ZC4H2: variants seen among roughly 807,000 people sequenced by gnomAD.
ZC4H2 encodes the protein zinc finger C4H2-type containing, also known as zinc finger C4H2 domain-containing protein.
For synonymous variants in ZC4H2, 84 were observed against 66.3 expected, an observed-to-expected ratio of 1.27 and a Z score of -1.30; for missense variants, 137 against 173.9, an observed-to-expected ratio of 0.79 and a Z score of 1.19.
chrX:64,924,826 A>AT (rs1220962182), intron 1 of ZC4H2, among the ~76,000 whole-genome samples: 10 of 111,030 alleles, frequency 9.0e-5, no homozygotes. Flanking sequence ...AGGGGCCTAG[A>AT]TAAAACTAGG....
At chrX:64,950,791 T>G (rs910593939) in intron 1 of ZC4H2, among the ~76,000 whole-genome samples, 6 of 110,846 alleles carry the variant, frequency 5.4e-5, no homozygotes, top group Admixed American at 9.7e-5. Flanking sequence ...TGGCTCTGGA[T>G]TCTTTTTTAT....
At chrX:64,947,276 A>G (rs772223260) in intron 1 of ZC4H2, among the ~76,000 whole-genome samples, 7 of 111,939 alleles carry the variant, frequency 6.3e-5, no homozygotes, top group East Asian at 2.8e-4. Flanking sequence ...ATTTTGGTAT[A>G]TGTTCCATGA....
At chrX:65,033,533 G>C (rs1397051725) in intron 1 of ZC4H2, among the ~76,000 whole-genome samples, 2 of 111,517 alleles carry the variant, frequency 1.8e-5, no homozygotes, top group African/African-American at 6.5e-5. Flanking sequence ...GGTGTGGAAG[G>C]AGCTAGGGCT....
At chrX:64,955,643 C>T (rs1464850021) in intron 1 of ZC4H2, among the ~76,000 whole-genome samples, 1 of 111,805 alleles carries the variant, frequency 8.9e-6, no homozygotes, top group Non-Finnish European at 1.9e-5. Context: ...TAGCTTTTCC[C>T]AAGATCAAAG....
At chrX:64,974,778 C>T (rs1175614976) in intron 1 of ZC4H2, among the ~76,000 whole-genome samples, 3 of 109,552 alleles carry the variant, frequency 2.7e-5, no homozygotes, top group Non-Finnish European at 5.7e-5. Flanking sequence ...TCTATTTTCA[C>T]TGGGGATTAA....
intron 1 of ZC4H2, among the ~76,000 whole-genome samples, chrX:64,927,397 C>T (rs1006940530): frequency 6.6e-4 from 73 of 110,907 alleles, no homozygotes; most frequent in African/African-American, 2.4e-3. Context: ...TTTTCTGTTC[C>T]TGTGTTAGTT....
rs1185195278 is a variant in ZC4H2 at position 64,937,851 on chromosome X, C to T, written c.54-15863G>A. Reference sequence around the variant, plus strand: ...AAGCAGAAAAGATCTAAAATTGACACCCTAACATCACAATGAAAAGAACTA... The same window carrying T: ...AAGCAGAAAAGATCTAAAATTGACATCCTAACATCACAATGAAAAGAACTA... On this transcript the variant is annotated intron_variant, in intron 1 of 4. Transcript: ENST00000374839. Among the ~76,000 whole-genome samples the T allele has an allele frequency of 2.7e-5, 3 of 111,542 alleles. No individual in the cohort carries two copies. The Admixed American group carries it at 2.9e-4, about 11-fold the overall frequency.
intron 1 of ZC4H2, among the ~76,000 whole-genome samples, chrX:64,990,713 T>C: frequency 8.9e-6 from 1 of 111,740 alleles, no homozygotes; most frequent in East Asian, 2.8e-4. Context: ...CTTCTCTTTC[T>C]GTATCTCCAG....
At chrX:65,012,176 C>T (rs1212679817) in intron 1 of ZC4H2, among the ~76,000 whole-genome samples, 1 of 89,545 alleles carries the variant, frequency 1.1e-5, no homozygotes, top group Non-Finnish European at 2.1e-5. Context: ...TGCGGTGAAC[C>T]GAGATTGTGC....
chrX:65,011,015 G>C (rs1239637668), intron 1 of ZC4H2, among the ~76,000 whole-genome samples: 3 of 111,547 alleles, frequency 2.7e-5, no homozygotes, highest in African/African-American at 9.8e-5. Flanking sequence ...GAGGCTTTCA[G>C]AATAAATGAG....
chrX:64,999,049 T>G (rs1449499693), intron 1 of ZC4H2, among the ~76,000 whole-genome samples: 1 of 95,641 alleles, frequency 1.0e-5, no homozygotes, highest in Non-Finnish European at 2.1e-5. Flanking sequence ...GTTTTTTTTT[T>G]TTTTTTTTTT....
chrX:64,999,157 G>A (rs773475075), intron 1 of ZC4H2, among the ~76,000 whole-genome samples: 81 of 106,472 alleles, frequency 7.6e-4, no homozygotes, highest in African/African-American at 2.6e-3. Context: ...CAAGATGGCC[G>A]AGCAGGAACA....
At chrX:64,944,696 C>T (rs1255263897) in intron 1 of ZC4H2, among the ~76,000 whole-genome samples, 1 of 111,363 alleles carries the variant, frequency 9.0e-6, no homozygotes, top group Non-Finnish European at 1.9e-5. Context: ...TCCATTCTCC[C>T]CATCACTTTT....
intron 1 of ZC4H2, among the ~76,000 whole-genome samples, chrX:64,925,652 C>G (rs1416144343): frequency 8.9e-6 from 1 of 111,915 alleles, no homozygotes; most frequent in Non-Finnish European, 1.9e-5. Context: ...CCCTCCATGC[C>G]TACTTCTGTT....
chrX:64,960,354 A>C (rs1931337649), intron 1 of ZC4H2, among the ~76,000 whole-genome samples: 1 of 110,975 alleles, frequency 9.0e-6, no homozygotes, highest in Admixed American at 9.6e-5. Flanking sequence ...CAATTTTCAG[A>C]GGATCCAACT....
chrX:65,032,460 A>T (rs1162595044), intron 1 of ZC4H2, among the ~76,000 whole-genome samples: 1 of 111,855 alleles, frequency 8.9e-6, no homozygotes, highest in Non-Finnish European at 1.9e-5. Context: ...TTCCATACGG[A>T]AGGAAAGGTA....
At chrX:64,923,839 C>A (rs1368835261) in intron 1 of ZC4H2, among the ~76,000 whole-genome samples, 3 of 109,827 alleles carry the variant, frequency 2.7e-5, no homozygotes. Flanking sequence ...TCTCTAACAC[C>A]AAAGCCTACA....
chrX:65,012,067 A>G (rs1252345497), intron 1 of ZC4H2, among the ~76,000 whole-genome samples: 1 of 107,463 alleles, frequency 9.3e-6, no homozygotes, highest in Non-Finnish European at 1.9e-5. Flanking sequence ...GTAGCTCTAC[A>G]GCTATGAAAG....
chrX:65,012,375 C>A (rs1308056420), intron 1 of ZC4H2, among the ~76,000 whole-genome samples: 1 of 110,822 alleles, frequency 9.0e-6, no homozygotes, highest in East Asian at 2.8e-4. Context: ...CGTTTGGTTG[C>A]CAGTTACAGA....
Sources: gnomAD v4.1 joint callset for allele counts (sites outside exome capture counted in the v4.1 genomes callset) on GRCh38, gnomAD v4.1.1 for gene constraint, MANE v1.5 for transcripts, NCBI Gene and HGNC (gene_info 2026-07-23, HGNC 2026-07-21) for gene names.